Variants in PHF24 observed in about 807,000 individuals in gnomAD.
PHF24 encodes the protein Galpha inhibitory interacting protein.
A neutral mutation model predicts 42.6 loss-of-function variants in PHF24; 25 were observed. That is an observed-to-expected ratio of 0.59 (90% CI 0.43 to 0.82). PHF24 has a LOEUF of 0.82. PHF24 is among the 40% of genes least tolerant of loss of function. The probability of loss-of-function intolerance (pLI) is 0.00; values close to 1 mark genes in which losing one functional copy is unlikely to be tolerated. For synonymous variants in PHF24, 185 were observed against 204.8 expected (o/e 0.90, Z 0.83); for missense variants, 470 against 538.1 (o/e 0.87, Z 1.25).
chr9:34,835,853 C>G, the PHF24 span: 31 of 1,257,358 alleles, frequency 2.5e-5, no homozygotes, highest in Admixed American at 2.8e-4. Context: ...ATACTCTGCT[C>G]AAAGGATACA....
chr9:34,702,395 A>C, the PHF24 span, among the ~76,000 whole-genome samples: 2 of 152,212 alleles, frequency 1.3e-5, no homozygotes, highest in Non-Finnish European at 2.9e-5. Context: ...CTGGCTGCTT[A>C]GGCCTTCACA....
At chr9:34,917,178 AC>A in the PHF24 span, 1 of 1,420,434 alleles carries the variant, frequency 7.0e-7, no homozygotes, top group Non-Finnish European at 9.9e-7. Context: ...TTCCACCATG[AC>A]CACCTCAGCA....
At chr9:34,858,488 G>A in the PHF24 span, among the ~76,000 whole-genome samples, 1 of 152,166 alleles carries the variant, frequency 6.6e-6, no homozygotes, top group Non-Finnish European at 1.5e-5. Context: ...GTCTGCTAGA[G>A]CAGACCTGGA....
chr9:34,979,415 G>A (rs1827315078), exon 8 of PHF24: 2 of 152,252 alleles, frequency 1.3e-5, no homozygotes, highest in African/African-American at 4.8e-5. Context: ...ACCAAGCCTG[G>A]CCTCCAAGCC....
the PHF24 span, among the ~76,000 whole-genome samples, chr9:34,781,953 C>G: frequency 1.3e-5 from 2 of 152,160 alleles, no homozygotes; most frequent in African/African-American, 4.8e-5. Context: ...ATTCATTGTC[C>G]CCACATGGGA....
the PHF24 span, among the ~76,000 whole-genome samples, chr9:34,749,265 G>A: frequency 3.9e-5 from 6 of 152,088 alleles, no homozygotes; most frequent in Admixed American, 2.6e-4. Flanking sequence ...TGAAAGAGGC[G>A]ATAGAGAGAT....
chr9:34,739,952 T>C, the PHF24 span, among the ~76,000 whole-genome samples: 9 of 152,092 alleles, frequency 5.9e-5, no homozygotes, highest in African/African-American at 1.9e-4. Context: ...TAGCTAGATA[T>C]AGAGTGTCCG....
the PHF24 span, among the ~76,000 whole-genome samples, chr9:34,942,372 G>T: frequency 1.3e-5 from 2 of 151,388 alleles, no homozygotes; most frequent in East Asian, 4.1e-4. Flanking sequence ...TTTTACTTTG[G>T]AAAGATATGC....
the PHF24 span, among the ~76,000 whole-genome samples, chr9:34,811,426 G>A: frequency 4.6e-5 from 7 of 152,310 alleles, no homozygotes; most frequent in East Asian, 1.9e-4. Flanking sequence ...AGTCATGGCA[G>A]GGGGTTTGTT....
the PHF24 span, among the ~76,000 whole-genome samples, chr9:34,897,609 A>G: frequency 6.6e-5 from 10 of 152,242 alleles, no homozygotes; most frequent in Non-Finnish European, 1.5e-4. Flanking sequence ...TTTTTGAACT[A>G]GCTATAAGGA....
chr9:34,882,299 G>T, the PHF24 span, among the ~76,000 whole-genome samples: 1 of 152,140 alleles, frequency 6.6e-6, no homozygotes, highest in Non-Finnish European at 1.5e-5. Flanking sequence ...TTGAAAACTG[G>T]CACAAGACAA....
At chr9:34,679,197 G>A in the PHF24 span, among the ~76,000 whole-genome samples, 1 of 152,198 alleles carries the variant, frequency 6.6e-6, no homozygotes, top group African/African-American at 2.4e-5. Flanking sequence ...CTCTCACTTG[G>A]CCCTTTGACT....
the PHF24 span, chr9:34,691,404 C>G: frequency 1.4e-4 from 65 of 469,104 alleles, no homozygotes; most frequent in Non-Finnish European, 2.0e-4. Flanking sequence ...ACCCTGCCCC[C>G]CTTCTTCCCC....
At chr9:34,689,718 G>T in the PHF24 span, 1 of 1,403,274 alleles carries the variant, frequency 7.1e-7, no homozygotes. This position sits in a 1 kb window ranked among gnomAD's most constrained non-coding sequence, Gnocchi z 4.1. Flanking sequence ...GTGCAGAGGA[G>T]CTGGAAGCCT....
At chr9:34,772,967 A>T in the PHF24 span, among the ~76,000 whole-genome samples, 3 of 151,330 alleles carry the variant, frequency 2.0e-5, no homozygotes, top group African/African-American at 4.9e-5. Flanking sequence ...AGTAGCAATG[A>T]GCATATCTAG....
chr9:34,822,993 G>A, the PHF24 span, among the ~76,000 whole-genome samples: 2 of 151,212 alleles, frequency 1.3e-5, no homozygotes, highest in African/African-American at 2.4e-5. Flanking sequence ...TCAGGAGATC[G>A]AGACCATCCT....
the PHF24 span, among the ~76,000 whole-genome samples, chr9:34,936,070 C>CCCACGGTCTCCCTCTCCCTCTCTTT: frequency 6.6e-6 from 1 of 151,588 alleles, no homozygotes; most frequent in East Asian, 1.9e-4. Flanking sequence ...TCTCCCTCTC[C>CCCACGGTCTCCCTCTCCCTCTCTTT]CCACGGTCTC....
the PHF24 span, among the ~76,000 whole-genome samples, chr9:34,754,796 C>T: frequency 6.6e-6 from 1 of 152,166 alleles, no homozygotes; most frequent in Non-Finnish European, 1.5e-5. Flanking sequence ...GATTTGGAAC[C>T]AACCTAAGTG....
chr9:34,877,230 A>G, the PHF24 span, among the ~76,000 whole-genome samples: 38,169 of 150,390 alleles, frequency 0.25, 5,171 homozygotes, highest in African/African-American at 0.33. Flanking sequence ...GCAGTGAGCC[A>G]AGATCACACC....
Sources: allele counts gnomAD v4.1 joint callset (sites outside exome capture counted in the v4.1 genomes callset), GRCh38; gene constraint gnomAD v4.1.1; non-coding constraint Gnocchi (gnomAD v3.1); transcripts MANE v1.5; gene names NCBI Gene and HGNC (gene_info 2026-07-23, HGNC 2026-07-21).